Variants in TOP2B observed in about 807,000 individuals in gnomAD.
TOP2B encodes the protein DNA topoisomerase II beta, also known as DNA topoisomerase 2-beta.
Under a neutral mutation model 193.5 loss-of-function variants are expected in TOP2B, and 51 were observed. That is an observed-to-expected ratio of 0.26 (90% CI 0.21 to 0.33). The LOEUF (loss-of-function observed/expected upper bound fraction) is 0.33. Ranked by LOEUF, TOP2B falls within the 10% of genes least tolerant of loss-of-function variation. TOP2B has a pLI of 1.00. For synonymous variants in TOP2B, 634 were observed against 635.7 expected (o/e 1.00, Z 0.04); for missense variants, 1,378 against 1,909.3 (o/e 0.72, Z 5.19).
chr3:25,612,918 T>C (rs1192775310), intron 27 of TOP2B, among the ~76,000 whole-genome samples: 1 of 152,172 alleles, frequency 6.6e-6, no homozygotes, highest in East Asian at 1.9e-4. Flanking sequence ...ATCTAACTAG[T>C]TTCCCATTTG....
intron 35 of TOP2B, among the ~76,000 whole-genome samples, chr3:25,598,905 G>C (rs1702007827): frequency 6.6e-6 from 1 of 152,120 alleles, no homozygotes. Flanking sequence ...GCATCACCGA[G>C]GTGGACCTGA....
chr3:25,620,443 A>T (rs1425167063), intron 22 of TOP2B, among the ~76,000 whole-genome samples: 2 of 152,210 alleles, frequency 1.3e-5, no homozygotes, highest in South Asian at 2.1e-4. Flanking sequence ...CTTTTATTTT[A>T]AATAAATACA....
intron 35 of TOP2B, 130 bp from the exon 36 acceptor site, chr3:25,598,607 A>T: frequency 1.5e-6 from 1 of 679,764 alleles, no homozygotes; most frequent in South Asian, 3.7e-5. Context: ...AATTAGAATC[A>T]TAATGCTAAC....
At chr3:25,626,030 C>A (rs1702792130) in intron 18 of TOP2B, among the ~76,000 whole-genome samples, 1 of 150,164 alleles carries the variant, frequency 6.7e-6, no homozygotes, top group African/African-American at 2.5e-5. Context: ...CCAAGCAATA[C>A]AAAGATCAAC....
At chr3:25,644,101 CTTT>C (rs34502850) in intron 2 of TOP2B, among the ~76,000 whole-genome samples, 2 of 140,684 alleles carry the variant, frequency 1.4e-5, no homozygotes, top group East Asian at 2.0e-4. Flanking sequence ...AAAATTAATG[CTTT>C]TTTTTTTTTT....
intron 1 of TOP2B, among the ~76,000 whole-genome samples, chr3:25,646,348 C>T (rs1246969604): frequency 2.6e-5 from 4 of 152,150 alleles, no homozygotes; most frequent in Non-Finnish European, 5.9e-5. Context: ...CCTCACATAT[C>T]AGCTCTGGGT....
intron 2 of TOP2B, 147 bp from the exon 3 acceptor site, chr3:25,643,931 T>C: frequency 1.8e-6 from 1 of 545,996 alleles, no homozygotes; most frequent in South Asian, 3.0e-5. Flanking sequence ...AATAGTCAAC[T>C]TCACTATTCA....
At chr3:25,618,942 T>C (rs554457256) in intron 23 of TOP2B, 93 bp from the exon 24 acceptor site, 110 of 972,024 alleles carry the variant, frequency 1.1e-4, no homozygotes, top group Non-Finnish European at 1.6e-4. Context: ...AACCATAATA[T>C]ATAACCATAA....
Position 25,646,391 on chromosome 3 carries a change from T to C in TOP2B, c.70-921A>G, listed in dbSNP as rs1703416363. Among the ~76,000 whole-genome samples the C allele has an allele frequency of 2.0e-5, 3 of 152,274 alleles. No homozygotes were observed. The South Asian group carries it at 6.2e-4, about 32-fold the overall frequency. ...TACTGATCCCAGTTTCTCTACCAGTTTCAAGGAGGCACAGGTTGGTGATCT... is the reference window on the plus strand; with the variant it reads ...TACTGATCCCAGTTTCTCTACCAGTCTCAAGGAGGCACAGGTTGGTGATCT... On this transcript the variant is annotated intron_variant, in intron 1 of 35. Coordinates refer to ENST00000264331, the MANE Select transcript of TOP2B (RefSeq NM_001330700.2).
rs375218434 is a variant in TOP2B, at chr3:25,607,632, T to C, written c.4094-257A>G. Among the ~76,000 whole-genome samples, 7 of 152,360 alleles carry C rather than the reference T, an allele frequency of 4.6e-5. No individual in the cohort carries two copies. The East Asian group carries it at 9.6e-4, about 21-fold the overall frequency. ...AGGAGAGCATAAACTAATGTACTTA[T>C]TGATATACTTAATAATTAATCAAAA... On this transcript the variant is annotated intron_variant, in intron 30 of 35. Transcript: ENST00000264331.
intron 10 of TOP2B, among the ~76,000 whole-genome samples, chr3:25,631,887 C>G (rs1293622439): frequency 6.6e-6 from 1 of 151,900 alleles, no homozygotes; most frequent in East Asian, 1.9e-4. Flanking sequence ...TACATTAGTT[C>G]TAGGGCAGTT....
chr3:25,618,289 T>A, intron 25 of TOP2B, 129 bp downstream of exon 25: 2 of 653,008 alleles, frequency 3.1e-6, no homozygotes, highest in South Asian at 3.9e-5. Context: ...AACAGAAGAC[T>A]TTAGTCTCTA....
chr3:25,620,089 C>G (rs2125364574), intron 22 of TOP2B, 27 bp from the exon 23 acceptor site: 1 of 1,335,386 alleles, frequency 7.5e-7, no homozygotes, highest in Non-Finnish European at 1.0e-6. Context: ...ATTAGTGATT[C>G]TTTTCATGAC....
intron 7 of TOP2B, among the ~76,000 whole-genome samples, chr3:25,635,538 G>C (rs183918636): frequency 0.018 from 2,683 of 152,186 alleles, 37 homozygotes; most frequent in Middle Eastern, 0.044. Context: ...AAATGGAAAT[G>C]TTAAAAACAA....
chr3:25,636,228 T>C (rs1164245229), intron 6 of TOP2B, 80 bp from the exon 7 acceptor site: 17 of 876,962 alleles, frequency 1.9e-5, no homozygotes, highest in Non-Finnish European at 2.4e-5. Context: ...ATTAAATTCA[T>C]TCATTTATCA....
intron 15 of TOP2B, 54 bp from the exon 16 acceptor site, chr3:25,627,350 C>T: frequency 8.3e-7 from 1 of 1,202,022 alleles, no homozygotes; most frequent in East Asian, 2.4e-5. Flanking sequence ...CTGTTTAAAA[C>T]CATCAAGTAA....
rs1273825089 is a variant in TOP2B, at chr3:25,664,287, G to A, written c.11C>T (p.Ser4Leu). 4 of 1,533,892 alleles carry A rather than the reference G, an allele frequency of 2.6e-6. No individual in the cohort carries two copies. Among genetic ancestry groups the A allele is most frequent in the South Asian group, 1.2e-5 (1 of 83,904 alleles). The part of the protein sequence containing the change: MAK[S>L]GGCGAGAGVG... ...GCCGGCTCCCGCGCCGCAGCCACCCGACTTGGCCATGGCGAGTGCCTCCAG... is the reference window on the plus strand; with the variant it reads ...GCCGGCTCCCGCGCCGCAGCCACCCAACTTGGCCATGGCGAGTGCCTCCAG... The change falls in exon 1 of 36, where the codon TCG (serine) becomes TTG (leucine). Residue 4 changes from serine (S) to leucine (L), a missense_variant. Transcript: ENST00000264331.
chr3:25,620,164 T>A, intron 22 of TOP2B, 102 bp from the exon 23 acceptor site: 1 of 767,364 alleles, frequency 1.3e-6, no homozygotes, highest in Non-Finnish European at 2.1e-6. Context: ...CATGGGGAAT[T>A]AAAAAGGAAA....
rs1702914473 is a variant in TOP2B, at chr3:25,630,121, T to C, written c.1597A>G (p.Lys533Glu). Residue 533 changes from lysine (K) to glutamate (E), a missense_variant, in exon 13 of 36, where the codon AAA (lysine) becomes GAA (glutamate). Coordinates refer to ENST00000264331, the MANE Select transcript of TOP2B (RefSeq NM_001330700.2). ...MENAEINNIIKIVGLQYKKSY... is the reference protein window; with the variant it reads ...MENAEINNIIEIVGLQYKKSY... ...TTCTTATATTGTAGACCAACTATTT[T>C]AATAATATTATTTATTTCAGCATTT... 1 of 1,576,688 alleles carries C rather than the reference T, an allele frequency of 6.3e-7. No homozygotes were observed. Among genetic ancestry groups the C allele is most frequent in the African/African-American group, 1.4e-5 (1 of 73,424 alleles).
Sources: allele counts gnomAD v4.1 joint callset (sites outside exome capture counted in the v4.1 genomes callset), GRCh38; gene constraint gnomAD v4.1.1; transcripts MANE v1.5; gene names NCBI Gene and HGNC (gene_info 2026-07-23, HGNC 2026-07-21).